NT5DC1: variants seen among roughly 807,000 people sequenced by gnomAD.
NT5DC1 encodes 5'-nucleotidase domain containing 1.
A neutral mutation model predicts 59.4 loss-of-function variants in NT5DC1; 42 were observed. The ratio of observed to expected loss-of-function variants is 0.71; its 90% CI spans 0.55 to 0.92. The LOEUF is 0.92. Among genes scored for constraint, NT5DC1 ranks in the 40% least tolerant of loss-of-function variants. The pLI is 0.00. For synonymous variants in NT5DC1, 172 were observed against 188.1 expected (o/e 0.91, Z 0.70); for missense variants, 501 against 537.1 (o/e 0.93, Z 0.66).
At chr6:116,149,376 A>G (rs1050527676) in intron 6 of NT5DC1, among the ~76,000 whole-genome samples, 4 of 152,212 alleles carry the variant, frequency 2.6e-5, no homozygotes, top group African/African-American at 9.6e-5. Context: ...CAGGAAATCA[A>G]ATAGACAGTG....
intron 1 of NT5DC1, among the ~76,000 whole-genome samples, chr6:116,102,668 T>C (rs1236885408): frequency 6.6e-6 from 1 of 152,214 alleles, no homozygotes; most frequent in Non-Finnish European, 1.5e-5. Flanking sequence ...ATAAGTGATG[T>C]TTAAAGCTTG....
At chr6:116,110,019 A>T (rs1778842651) in intron 3 of NT5DC1, among the ~76,000 whole-genome samples, 1 of 152,200 alleles carries the variant, frequency 6.6e-6, no homozygotes, top group African/African-American at 2.4e-5. Context: ...TTTTCCAATG[A>T]TAAGGTTTAA....
chr6:116,116,045 G>A (rs946656804), intron 5 of NT5DC1, among the ~76,000 whole-genome samples: 1 of 151,710 alleles, frequency 6.6e-6, no homozygotes, highest in Admixed American at 6.6e-5. Flanking sequence ...ACTTGGATCT[G>A]GACAAAACAT....
At chr6:116,224,628 C>T (rs1781873498) in intron 8 of NT5DC1, among the ~76,000 whole-genome samples, 1 of 152,158 alleles carries the variant, frequency 6.6e-6, no homozygotes, top group Non-Finnish European at 1.5e-5. Flanking sequence ...CAAATGAATG[C>T]CAAGGCCCAG....
At position 116,165,259 on chromosome 6, in the gene NT5DC1, G is replaced by A. The variant is rs181419351; in HGVS notation, c.529+47314G>A. ...TGATTTGATCCTTTTTTCTAGTGGCGTTTAAGATTTTTTCTTTAGCATTGA... is the reference window on the plus strand; with the variant it reads ...TGATTTGATCCTTTTTTCTAGTGGCATTTAAGATTTTTTCTTTAGCATTGA... On this transcript the variant is annotated intron_variant, in intron 6 of 11. Coordinates refer to ENST00000319550, the MANE Select transcript of NT5DC1 (RefSeq NM_152729.3). Among the ~76,000 whole-genome samples, 197 of 152,138 alleles carry A rather than the reference G, an allele frequency of 1.3e-3. 1 individual carries two copies. The highest frequency in any genetic ancestry group is 2.4e-3 in the Non-Finnish European group (161 of 67,990).
chr6:116,221,573 C>T (rs1781806549), intron 7 of NT5DC1, among the ~76,000 whole-genome samples: 1 of 152,200 alleles, frequency 6.6e-6, no homozygotes, highest in African/African-American at 2.4e-5. Context: ...GTAGGTTATA[C>T]TCCTCCACAG....
intron 6 of NT5DC1, among the ~76,000 whole-genome samples, chr6:116,124,111 A>G (rs1307440749): frequency 6.6e-6 from 1 of 151,972 alleles, no homozygotes; most frequent in African/African-American, 2.4e-5. Context: ...TCTGTTGTAT[A>G]CCTGTGCATT....
chr6:116,227,800 T>A (rs1242961886), intron 8 of NT5DC1, among the ~76,000 whole-genome samples: 1 of 152,236 alleles, frequency 6.6e-6, no homozygotes, highest in South Asian at 2.1e-4. Flanking sequence ...CTCATTTTTT[T>A]AATTGGGTTA....
In NT5DC1 at chr6:116,244,892, A is replaced by AT. The variant is rs1444607773; in HGVS notation, c.*870dup. 1 of 152,192 alleles carries AT rather than the reference A, an allele frequency of 6.6e-6. No homozygotes were observed. The highest frequency in any genetic ancestry group is 1.5e-5 in the Non-Finnish European group (1 of 68,026). The allele number at this position is 152,192 out of a possible 1,614,324, so 9.4% of individuals were successfully genotyped here. A position where few individuals can be genotyped will look rare whatever the true frequency, so the allele number is the denominator to read the frequency against. The stretch of plus-strand genomic sequence containing the variant: ...TTATTTAATCAACTTTAAGCATTAC[A>AT]TTCTCAATTGGGGACAAAAATTGGT... On this transcript the variant is annotated 3_prime_UTR_variant, in exon 12 of 12. Transcript: ENST00000319550.
chr6:116,155,752 TA>T (rs58270869), intron 6 of NT5DC1, among the ~76,000 whole-genome samples: 7,949 of 114,588 alleles, frequency 0.069, 384 homozygotes, highest in African/African-American at 0.16. Flanking sequence ...TACTTCTCCT[TA>T]AAAAAAAAAA....
chr6:116,145,479 A>C, intron 6 of NT5DC1: 1 of 375,204 alleles, frequency 2.7e-6, no homozygotes, highest in Non-Finnish European at 6.0e-6. Flanking sequence ...TATATCTACA[A>C]GTTTCATACT....
Position 116,241,792 on chromosome 6 carries a change from G to T in NT5DC1, c.1253-2117G>T, listed in dbSNP as rs181181620. On this transcript the variant is annotated intron_variant, in intron 11 of 11. Transcript: ENST00000319550. ...CAAAAAATTAGCCAGGCGTGGTGGCGGGCGCCTGTAGTCCCAGCTACTCAG... is the reference window on the plus strand; with the variant it reads ...CAAAAAATTAGCCAGGCGTGGTGGCTGGCGCCTGTAGTCCCAGCTACTCAG... Among the ~76,000 whole-genome samples the T allele has an allele frequency of 1.7e-3, 256 of 151,300 alleles. 7 individuals carry two copies. The East Asian group carries it at 0.046, about 27-fold the overall frequency.
rs1352693629 is a variant in NT5DC1 at position 116,246,881 on chromosome 6, A to G, written c.*2857A>G. The stretch of plus-strand genomic sequence containing the variant: ...GTGTCTCTTGTTGGTCTCTAGAACT[A>G]TCCTCAGAAATAATAGTAAAACAGT... On this transcript the variant is annotated 3_prime_UTR_variant, in exon 12 of 12. Transcript: ENST00000319550. 1.3e-5 allele frequency: 2 copies of G among 152,204 alleles called. No homozygotes were observed. The highest frequency in any genetic ancestry group is 2.9e-5 in the Non-Finnish European group (2 of 68,014). 9.4% of individuals were successfully genotyped at this position (152,204 alleles called of 1,614,324 possible). A position where few individuals can be genotyped will look rare whatever the true frequency, so the allele number is the denominator to read the frequency against.
chr6:116,144,076 A>G (rs910612851), intron 6 of NT5DC1, among the ~76,000 whole-genome samples: 2 of 152,184 alleles, frequency 1.3e-5, no homozygotes, highest in Non-Finnish European at 2.9e-5. Flanking sequence ...TATAATGAGG[A>G]TATTCAGAGT....
intron 6 of NT5DC1, among the ~76,000 whole-genome samples, chr6:116,155,801 T>G (rs1322781232): frequency 1.3e-5 from 2 of 149,566 alleles, no homozygotes; most frequent in African/African-American, 4.9e-5. Flanking sequence ...TGTACTGAAA[T>G]GGAAACATTT....
intron 6 of NT5DC1, among the ~76,000 whole-genome samples, chr6:116,207,981 A>G (rs1272428130): frequency 6.6e-6 from 1 of 151,980 alleles, no homozygotes; most frequent in Non-Finnish European, 1.5e-5. Context: ...GCTACCTACT[A>G]CAGAAGAAAA....
At chr6:116,214,939 C>CA (rs1395251013) in intron 6 of NT5DC1, among the ~76,000 whole-genome samples, 1 of 152,016 alleles carries the variant, frequency 6.6e-6, no homozygotes, top group African/African-American at 2.4e-5. Context: ...TCTGATTGGC[C>CA]AGTGTGTATC....
chr6:116,202,775 TTTA>T (rs1292868144), intron 6 of NT5DC1, among the ~76,000 whole-genome samples: 1 of 152,012 alleles, frequency 6.6e-6, no homozygotes, highest in African/African-American at 2.4e-5. Context: ...GACAGCTATT[TTTA>T]TTATTGTTAA....
chr6:116,118,531 T>C (rs1779012943), intron 6 of NT5DC1, among the ~76,000 whole-genome samples: 1 of 152,192 alleles, frequency 6.6e-6, no homozygotes, highest in African/African-American at 2.4e-5. Context: ...GATGATGGAT[T>C]CTTAAGAGTA....
Sources: allele counts gnomAD v4.1 joint callset (sites outside exome capture counted in the v4.1 genomes callset), GRCh38; gene constraint gnomAD v4.1.1; transcripts MANE v1.5; gene names NCBI Gene and HGNC (gene_info 2026-07-23, HGNC 2026-07-21).